TMEM132B: variants seen among roughly 807,000 people sequenced by gnomAD.
The protein encoded by TMEM132B is transmembrane protein 132B.
Under a neutral mutation model 90.8 loss-of-function variants are expected in TMEM132B, and 18 were observed. The ratio of observed to expected loss-of-function variants is 0.20; its 90% CI spans 0.14 to 0.29. The LOEUF is 0.29. Ranked by LOEUF, TMEM132B falls within the 10% of genes least tolerant of loss-of-function variation. The probability of loss-of-function intolerance (pLI) is 1.00; values close to 1 mark genes in which losing one functional copy is unlikely to be tolerated. For missense variants in TMEM132B, 1,096 were observed against 1,326.8 expected (o/e 0.83, Z 2.70); for synonymous variants, 504 against 523.3 (o/e 0.96, Z 0.50).
In TMEM132B at chr12:125,652,425, C is replaced by T; in HGVS notation, c.1915-16C>T. ...TGAGGAGCAGAGATGCATGAGTCTC[C>T]TCGCTGACTTTTCAGGTCCTCTCGC... is the stretch of plus-strand genomic sequence containing the variant. On this transcript the variant is annotated splice_polypyrimidine_tract_variant and intron_variant, in intron 7 of 8. Coordinates refer to ENST00000682704, the MANE Select transcript of TMEM132B (RefSeq NM_001366854.1). The T allele has an allele frequency of 1.3e-6, 2 of 1,571,824 alleles. No individual in the cohort carries two copies. Among genetic ancestry groups the T allele is most frequent in the Non-Finnish European group, 1.7e-6 (2 of 1,157,758 alleles).
intron 1 of TMEM132B, among the ~76,000 whole-genome samples, chr12:125,274,871 T>C (rs1874945455): frequency 6.6e-6 from 1 of 152,116 alleles, no homozygotes; most frequent in African/African-American, 2.4e-5. Context: ...TGCAGTGAGC[T>C]ATGATGACGC....
rs575120674 is a variant in TMEM132B at position 125,611,381 on chromosome 12, AT to A, written c.1437+27394del. On this transcript the variant is annotated intron_variant, in intron 5 of 8. Transcript: ENST00000682704. ...TTTTTGGTTTTGCTGATTTTTCTCT[AT>A]TTTTTTCTATGATATATTTCATTAA... 1.0e-3 allele frequency among the ~76,000 whole-genome samples: 157 copies of A among 150,066 alleles called. 1 individual carries two copies. The highest frequency in any genetic ancestry group is 3.7e-3 in the African/African-American group (151 of 40,510).
intron 1 of TMEM132B, among the ~76,000 whole-genome samples, chr12:125,206,084 G>A (rs528393125): frequency 1.3e-5 from 2 of 152,252 alleles, no homozygotes; most frequent in South Asian, 2.1e-4. Flanking sequence ...GGGACTGCCC[G>A]ACCCCACAGC....
chr12:125,381,400 C>T (rs1221698999), intron 2 of TMEM132B, among the ~76,000 whole-genome samples: 1 of 152,170 alleles, frequency 6.6e-6, no homozygotes, highest in African/African-American at 2.4e-5. Context: ...CCTGGGACGT[C>T]ATACCACTGG....
chr12:125,368,435 G>A (rs1181018352), intron 2 of TMEM132B, among the ~76,000 whole-genome samples: 3 of 152,144 alleles, frequency 2.0e-5, no homozygotes, highest in Non-Finnish European at 2.9e-5. Flanking sequence ...TCTCTTTGCC[G>A]TTAATAAGAA....
intron 1 of TMEM132B, among the ~76,000 whole-genome samples, chr12:125,257,195 A>G (rs892014133): frequency 6.6e-6 from 1 of 152,106 alleles, no homozygotes; most frequent in Non-Finnish European, 1.5e-5. Context: ...AGTCCCAGCT[A>G]CTTGGGAGGT....
intron 2 of TMEM132B, among the ~76,000 whole-genome samples, chr12:125,393,120 A>G (rs1367949006): frequency 6.6e-6 from 1 of 152,218 alleles, no homozygotes; most frequent in Non-Finnish European, 1.5e-5. Context: ...TGAGAAGCCA[A>G]AGTAGCTTTG....
intron 2 of TMEM132B, among the ~76,000 whole-genome samples, chr12:125,389,988 C>T (rs1020377897): frequency 5.9e-5 from 9 of 152,198 alleles, no homozygotes; most frequent in South Asian, 2.1e-4. Flanking sequence ...ACTGTCACTC[C>T]GTTCAAGAAT....
At chr12:125,344,680 G>A (rs1233064234) in intron 1 of TMEM132B, among the ~76,000 whole-genome samples, 2 of 152,120 alleles carry the variant, frequency 1.3e-5, no homozygotes, top group African/African-American at 4.8e-5. Flanking sequence ...CAAGGGAGCA[G>A]GGAACTACAT....
chr12:125,541,633 A>G (rs1412872555), intron 4 of TMEM132B, among the ~76,000 whole-genome samples: 1 of 152,032 alleles, frequency 6.6e-6, no homozygotes, highest in African/African-American at 2.4e-5. Flanking sequence ...AGTGTTCAGC[A>G]TTCCTCAGCT....
chr12:125,584,024 A>G (rs776843655), intron 5 of TMEM132B, 30 bp downstream of exon 5: 4 of 1,613,864 alleles, frequency 2.5e-6, no homozygotes, highest in Non-Finnish European at 3.4e-6. Context: ...CAGCTGTCCT[A>G]AGTGCTCAGA....
chr12:125,487,833 A>G (rs1882241272), intron 3 of TMEM132B, among the ~76,000 whole-genome samples: 2 of 151,278 alleles, frequency 1.3e-5, no homozygotes. Flanking sequence ...CACCTACTAC[A>G]TTTTTTTCAA....
intron 4 of TMEM132B, among the ~76,000 whole-genome samples, chr12:125,521,680 T>G (rs1473908977): frequency 1.3e-5 from 2 of 152,150 alleles, no homozygotes. Context: ...GCAGCTAGAA[T>G]CACATTTGAG....
At chr12:125,555,610 T>A (rs1257460758) in intron 4 of TMEM132B, among the ~76,000 whole-genome samples, 1 of 150,372 alleles carries the variant, frequency 6.7e-6, no homozygotes, top group Non-Finnish European at 1.5e-5. Context: ...ATATACCTAA[T>A]GTAAATGACG....
chr12:125,428,591 T>C (rs998951469), intron 3 of TMEM132B, among the ~76,000 whole-genome samples: 1 of 152,146 alleles, frequency 6.6e-6, no homozygotes, highest in Non-Finnish European at 1.5e-5. Flanking sequence ...CATCTTCCTT[T>C]TTCTCCGTTT....
At chr12:125,217,373 C>G (rs1188993082) in intron 1 of TMEM132B, among the ~76,000 whole-genome samples, 2 of 152,192 alleles carry the variant, frequency 1.3e-5, no homozygotes, top group Non-Finnish European at 2.9e-5. Flanking sequence ...TTAGGTCATT[C>G]TGAGTTTCAG....
intron 3 of TMEM132B, among the ~76,000 whole-genome samples, chr12:125,480,202 G>C (rs1882001026): frequency 6.6e-6 from 1 of 152,162 alleles, no homozygotes; most frequent in Admixed American, 6.6e-5. Context: ...AAAAGAGTTA[G>C]AGAAGCAAGA....
chr12:125,611,399 T>C (rs1038495888), intron 5 of TMEM132B, among the ~76,000 whole-genome samples: 1 of 152,108 alleles, frequency 6.6e-6, no homozygotes, highest in Admixed American at 6.5e-5. Context: ...CTATGATATA[T>C]TTCATTAATT....
At chr12:125,391,647 C>T (rs1032048108) in intron 2 of TMEM132B, among the ~76,000 whole-genome samples, 6 of 152,152 alleles carry the variant, frequency 3.9e-5, no homozygotes, top group Non-Finnish European at 8.8e-5. Flanking sequence ...GTTCTGCTTG[C>T]GTTCTGCTCC....
Sources: gnomAD v4.1 joint callset for allele counts (sites outside exome capture counted in the v4.1 genomes callset) on GRCh38, gnomAD v4.1.1 for gene constraint, MANE v1.5 for transcripts, NCBI Gene and HGNC (gene_info 2026-07-23, HGNC 2026-07-21) for gene names.